PVRIG: variants seen among roughly 807,000 people sequenced by gnomAD.
PVRIG encodes PVR related immunoglobulin domain containing.
PVRIG carries 16 observed loss-of-function variants against 21.9 expected under a neutral mutation model. The observed-to-expected ratio is 0.73, with a 90% CI of 0.50 to 1.11. The LOEUF (loss-of-function observed/expected upper bound fraction) is 1.11, where lower values mean the gene tolerates loss of function less well. Among genes scored for constraint, PVRIG ranks in the 50% most tolerant of loss-of-function variants. PVRIG has a pLI of 0.00. For missense variants in PVRIG, 435 were observed against 445.7 expected, an observed-to-expected ratio of 0.98 and a Z score of 0.22; for synonymous variants, 190 against 181.0, an observed-to-expected ratio of 1.05 and a Z score of -0.40.
exon 6 of PVRIG, chr7:100,221,087 G>T: frequency 6.2e-7 from 1 of 1,613,988 alleles, no homozygotes; most frequent in Non-Finnish European, 8.5e-7. Flanking sequence ...GGGCCCTGCC[G>T]CCTGGGCCTC....
At chr7:100,221,071 G>T (rs773105552) in exon 6 of PVRIG, 2 of 1,613,866 alleles carry the variant, frequency 1.2e-6, no homozygotes, top group African/African-American at 2.7e-5. Context: ...CTGCACACCG[G>T]CCCCAGGGCC....
At position 100,221,192 on chromosome 7, in the gene PVRIG, A is replaced by ACT. The variant is rs201164505; in HGVS notation, c.925_926dup (p.Pro311SerfsTer14). 5.9e-3 allele frequency: 9,539 copies of ACT among 1,608,888 alleles called. 320 individuals are homozygous for ACT. The Admixed American group carries it at 0.074, about 12-fold the overall frequency. Reference sequence around the variant, plus strand: ...GCCTCCTCACACTGGTCCCGGCCTCACTCTTTTCCCTGACCCTCGGGGGCC... The same window carrying ACT: ...GCCTCCTCACACTGGTCCCGGCCTCACTCTCTTTTCCCTGACCCTCGGGGGCC... On this transcript the variant is annotated frameshift_variant, in exon 6 of 6. Coordinates refer to ENST00000317271, the Ensembl canonical transcript of PVRIG. LOFTEE classifies it low-confidence loss of function (END_TRUNC).
chr7:100,219,768 A>G (rs7782305), exon 2 of PVRIG: 145,623 of 711,344 alleles, frequency 0.2, 16,079 homozygotes, highest in Middle Eastern at 0.34. Flanking sequence ...GTTACCTGGA[A>G]GCACAGCCTT....
At chr7:100,219,635 C>T (rs572444724) in intron 1 of PVRIG, 16 of 541,070 alleles carry the variant, frequency 3.0e-5, no homozygotes, top group African/African-American at 7.7e-5. Flanking sequence ...TAGGGAAGCC[C>T]GGCACCCCTT....
chr7:100,220,785 C>A, exon 5 of PVRIG: 1 of 1,606,068 alleles, frequency 6.2e-7, no homozygotes, highest in Non-Finnish European at 8.5e-7. Flanking sequence ...CCAGCCGTCC[C>A]GCACCAGCCC....
chr7:100,219,926 C>G, exon 2 of PVRIG: 1 of 1,549,870 alleles, frequency 6.5e-7, no homozygotes, highest in Non-Finnish European at 8.7e-7. Context: ...AACAGAGGCA[C>G]AGGTGCCGGC....
In PVRIG at chr7:100,221,126, GTC is replaced by G; in HGVS notation, c.860_861del (p.Ser287CysfsTer2). The G allele has an allele frequency of 6.2e-7, 1 of 1,613,900 alleles. No homozygotes were observed. The highest frequency in any genetic ancestry group is 1.7e-5 in the Admixed American group (1 of 60,020). On this transcript the variant is annotated frameshift_variant, in exon 6 of 6. Coordinates refer to ENST00000317271, the Ensembl canonical transcript of PVRIG. LOFTEE classifies it low-confidence loss of function (END_TRUNC). ...ACCCATCCCTGCACGTGGCAGCTTT[GTC>G]TCTGTTGAGAATGGACTCTACGCTC...
Position 100,220,447 on chromosome 7 carries a change from C to T in PVRIG, c.452C>T (p.Pro151Leu), listed in dbSNP as rs199733765. 101 of 1,609,524 alleles carry T rather than the reference C, an allele frequency of 6.3e-5. No homozygotes were observed. In the East Asian group the frequency reaches 1.1e-3, roughly 17 times the overall value. Residue 151 changes from proline to leucine, a missense_variant, in exon 3 of 6, where the codon CCG becomes CTG. By Grantham distance (98) the Pro-to-Leu change is moderately conservative. Coordinates refer to ENST00000317271, the Ensembl canonical transcript of PVRIG. ...TCCTGGGAGGCCTGTGGGAGCCTCC[C>T]GCCCAGCTCAGACCCAGGTGGGGCC...
exon 6 of PVRIG, chr7:100,221,367 G>A: frequency 1.3e-6 from 1 of 769,078 alleles, no homozygotes. Context: ...AGGCCCACCT[G>A]CTGCGGATGT....
chr7:100,221,323 G>A (rs1169802638), exon 6 of PVRIG: 7 of 1,277,274 alleles, frequency 5.5e-6, no homozygotes, highest in Non-Finnish European at 7.4e-6. Context: ...TTTAATTCTT[G>A]GGCCTCCAAT....
exon 2 of PVRIG, chr7:100,220,006 G>T (rs1184359930): frequency 1.2e-6 from 2 of 1,602,626 alleles, no homozygotes; most frequent in African/African-American, 1.3e-5. Flanking sequence ...CCTGGGTGCT[G>T]CTGACCTTGT....
exon 3 of PVRIG, chr7:100,220,249 G>A: frequency 4.5e-6 from 7 of 1,572,300 alleles, no homozygotes; most frequent in Non-Finnish European, 5.2e-6. Flanking sequence ...GGTGCTGGGG[G>A]GACCACGCTG....
chr7:100,221,093 G>A (rs1247796157), exon 6 of PVRIG: 2 of 1,613,876 alleles, frequency 1.2e-6, no homozygotes, highest in East Asian at 2.2e-5. Flanking sequence ...TGCCGCCTGG[G>A]CCTCCACACC....
exon 6 of PVRIG, chr7:100,221,196 T>C (rs1803230406): frequency 1.2e-6 from 2 of 1,608,904 alleles, no homozygotes; most frequent in Non-Finnish European, 1.7e-6. Flanking sequence ...GGCCTCACTC[T>C]TTTCCCTGAC....
exon 6 of PVRIG, chr7:100,221,042 G>T: frequency 6.2e-7 from 1 of 1,613,456 alleles, no homozygotes; most frequent in Non-Finnish European, 8.5e-7. Flanking sequence ...GTCCTGGTGG[G>T]CGTCACTCCC....
chr7:100,220,686 C>T lies in PVRIG; in HGVS notation c.596+13C>T, dbSNP rs555145100. On this transcript the variant is annotated intron_variant, in intron 4 of 5. Transcript: ENST00000317271. ...GACATAAGCACCGGTGAGACCTGGT[C>T]CCTGTCCACGTCCCCCTGACACTGG... The T allele has an allele frequency of 1.9e-6, 3 of 1,610,142 alleles. No individual in the cohort carries two copies. Among genetic ancestry groups the T allele is most frequent in the African/African-American group, 2.7e-5 (2 of 74,966 alleles).
exon 6 of PVRIG, chr7:100,221,235 C>T (rs371171161): frequency 1.9e-6 from 3 of 1,579,802 alleles, no homozygotes; most frequent in Admixed American, 1.8e-5. Flanking sequence ...ATGGAAGGAC[C>T]CTTAGGAGTT....
chr7:100,220,491 G>A (rs1803156477), intron 3 of PVRIG, 27 bp downstream of exon 2: 2 of 1,611,864 alleles, frequency 1.2e-6, no homozygotes, highest in Middle Eastern at 1.8e-4. Flanking sequence ...GGGTCCAGGA[G>A]GGCAGGGAGG....
rs1356265610 is a variant in PVRIG at position 100,220,569 on chromosome 7, TG to T, written c.493del (p.Ala165ProfsTer159). On this transcript the variant is annotated frameshift_variant, in exon 4 of 6. Coordinates refer to ENST00000317271, the Ensembl canonical transcript of PVRIG. LOFTEE classifies it high-confidence loss of function. ...CAGGGCTCTCTGCCCCGCCGACTCC[TG>T]CCCCCATTCTGCGGGCAGACCTGGC... The T allele has an allele frequency of 6.2e-7, 1 of 1,611,960 alleles. No homozygotes were observed. Among genetic ancestry groups the T allele is most frequent in the African/African-American group, 1.3e-5 (1 of 74,828 alleles).
Sources: gnomAD v4.1 joint callset for allele counts on GRCh38, gnomAD v4.1.1 for gene constraint, MANE v1.5 for transcripts, NCBI Gene and HGNC (gene_info 2026-07-23, HGNC 2026-07-21) for gene names.